Variants in ASPM observed in about 807,000 individuals in gnomAD.
ASPM encodes the protein assembly factor for spindle microtubules, also known as abnormal spindle-like microcephaly-associated protein.
ASPM carries 256 observed loss-of-function variants against 366.4 expected under a neutral mutation model. The ratio of observed to expected loss-of-function variants is 0.70; its 90% confidence interval spans 0.63 to 0.77. The LOEUF (loss-of-function observed/expected upper bound fraction) is 0.77. Among genes scored for constraint, ASPM ranks in the 30% least tolerant of loss-of-function variants. The pLI, the probability that ASPM is intolerant of heterozygous loss-of-function variation, is 0.00. For synonymous variants in ASPM, 1,414 were observed against 1,342.9 expected (o/e 1.05, Z -1.16); for missense variants, 4,146 against 4,090.4 (o/e 1.01, Z -0.37).
chr1:197,133,717 C>T (rs1462026504), intron 5 of ASPM, 122 bp from the exon 6 acceptor site: 1 of 1,143,970 alleles, frequency 8.7e-7, no homozygotes, highest in Non-Finnish European at 1.2e-6. Flanking sequence ...CCACTCCAAG[C>T]TTACTCCTTA....
chr1:197,093,331 T>G, intron 20 of ASPM, 70 bp from the exon 21 acceptor site: 2 of 1,239,998 alleles, frequency 1.6e-6, no homozygotes, highest in Middle Eastern at 2.1e-4. Context: ...CTAGAAGTTC[T>G]TGAATTTCTC....
intron 18 of ASPM, 49 bp downstream of exon 18, chr1:197,100,382 G>A (rs1241145855): frequency 4.1e-6 from 5 of 1,232,226 alleles, no homozygotes; most frequent in Admixed American, 5.4e-5. Flanking sequence ...ACAAATATTG[G>A]TCAAAAGAAA....
chr1:197,133,237 A>G lies in ASPM; in HGVS notation c.2419+113T>C, dbSNP rs536309358. The G allele has an allele frequency of 1.5e-5, 17 of 1,122,900 alleles. No homozygotes were observed. In the African/African-American group the frequency reaches 2.0e-4, roughly 13 times the overall value. The allele number at this position is 1,122,900 out of a possible 1,614,324, so 69.6% of individuals were successfully genotyped here. A position where few individuals can be genotyped will look rare whatever the true frequency, so the allele number is the denominator to read the frequency against. On this transcript the variant is annotated intron_variant, in intron 6 of 27. Coordinates refer to ENST00000367409, the MANE Select transcript of ASPM (RefSeq NM_018136.5). The stretch of plus-strand genomic sequence containing the variant: ...ATCAACATCATGTTGTATACCTTAA[A>G]TATATGCCAGTTTTACCTGTCAATT...
At position 197,128,498 on chromosome 1, in the gene ASPM, C is replaced by T; in HGVS notation, c.2928G>A (p.Val976=). The T allele has an allele frequency of 1.2e-6, 2 of 1,612,060 alleles. No individual in the cohort carries two copies. The highest frequency in any genetic ancestry group is 1.7e-6 in the Non-Finnish European group (2 of 1,178,176). The change falls in exon 10 of 28, where the codon GTG becomes GTA. Residue 976 remains valine (V), a synonymous_variant. Coordinates refer to ENST00000367409, the MANE Select transcript of ASPM (RefSeq NM_018136.5). ...CTATTTCTTATACGTACACAAGGCG[C>T]ACTCCACATTGCAAGTCTACGGCAA... ...TNLAVDLQCG[V]RLVRTMELLT... is the part of the protein sequence containing the mutation.
chr1:197,100,279 C>T (rs1657109836), intron 18 of ASPM, 152 bp downstream of exon 18: 1 of 606,022 alleles, frequency 1.7e-6, no homozygotes, highest in African/African-American at 1.9e-5. Context: ...TGCCCTTTCC[C>T]TCTTTCAAAA....
intron 4 of ASPM, 65 bp from the exon 5 acceptor site, chr1:197,135,307 A>C: frequency 1.3e-6 from 2 of 1,499,594 alleles, no homozygotes; most frequent in South Asian, 2.3e-5. Flanking sequence ...ATATACAGCA[A>C]AAGTCATTTT....
intron 6 of ASPM, among the ~76,000 whole-genome samples, chr1:197,132,853 T>C (rs369073358): frequency 2.0e-5 from 3 of 152,046 alleles, no homozygotes; most frequent in East Asian, 3.9e-4. Context: ...GAGGATATTA[T>C]GCAAACTGAA....
intron 18 of ASPM, among the ~76,000 whole-genome samples, chr1:197,096,658 C>T (rs1435216694): frequency 3.3e-5 from 5 of 151,826 alleles, no homozygotes; most frequent in East Asian, 1.9e-4. Context: ...ATTTTGACAA[C>T]CTTCTGGAAG....
Position 197,146,369 on chromosome 1 carries a change from C to T in ASPM, c.69G>A (p.Gly23=), listed in dbSNP as rs762856685. Residue 23 remains glycine (G), a synonymous_variant, in exon 1 of 28, where the codon GGG becomes GGA. Transcript: ENST00000367409. ...VSPTERRPPA[G]LRGPAAEEEA... ...CCTCCTCGGCCGCGGGGCCCCGCAGCCCCGCGGGCGGCCTCCGCTCGGTCG... is the reference window on the plus strand; with the variant it reads ...CCTCCTCGGCCGCGGGGCCCCGCAGTCCCGCGGGCGGCCTCCGCTCGGTCG... The T allele has an allele frequency of 3.1e-6, 5 of 1,608,478 alleles. No homozygotes were observed. The Admixed American group carries it at 5.0e-5, about 16-fold the overall frequency.
chr1:197,136,591 A>T (rs1658426734), intron 4 of ASPM, among the ~76,000 whole-genome samples: 1 of 152,168 alleles, frequency 6.6e-6, no homozygotes, highest in Non-Finnish European at 1.5e-5. Flanking sequence ...CTAGGATGTT[A>T]TATGTAATTT....
Position 197,142,909 on chromosome 1 carries a change from T to G in ASPM, c.1343A>C (p.Lys448Thr), listed in dbSNP as rs1479941857. 6.2e-7 allele frequency: 1 copy of G among 1,613,660 alleles called. No homozygotes were observed. Among genetic ancestry groups the G allele is most frequent in the Non-Finnish European group, 8.5e-7 (1 of 1,179,708 alleles). The change falls in exon 3 of 28, where the codon AAA becomes ACA. Residue 448 changes from lysine to threonine, a missense_variant. By Grantham distance (78) the Lys-to-Thr change is moderately conservative. Transcript: ENST00000367409. ...TTCTACTAGTTCTTCAAAAATAGCT[T>G]TGGGAGATTTTGAACCCTGACATTC... ...IPECQGSKSP[K>T]AIFEELVEMK...
rs114071210 is a variant in ASPM at position 197,125,362 on chromosome 1, A to G, written c.2937-171T>C. On this transcript the variant is annotated intron_variant, in intron 10 of 27. Transcript: ENST00000367409. ...CTGTTGCTCCATAGTCGGCAAGTAG[A>G]GTTCTTATTTTAAGTTTGGGATTGA... Among the ~76,000 whole-genome samples, 2,044 of 152,316 alleles carry G rather than the reference A, an allele frequency of 0.013. 46 individuals carry two copies. The highest frequency in any genetic ancestry group is 0.046 in the African/African-American group (1,906 of 41,566).
intron 19 of ASPM, among the ~76,000 whole-genome samples, chr1:197,095,741 T>G (rs1656949324): frequency 7.0e-6 from 1 of 143,316 alleles, no homozygotes; most frequent in Non-Finnish European, 1.5e-5. Context: ...ACTCTAATCC[T>G]TATGAACCTG....
chr1:197,118,556 C>T (rs1000771832), intron 16 of ASPM, among the ~76,000 whole-genome samples: 1 of 151,998 alleles, frequency 6.6e-6, no homozygotes, highest in Admixed American at 6.6e-5. Context: ...GGACCCAGCT[C>T]CCTAGTTATG....
chr1:197,112,058 G>A (rs116115588), intron 17 of ASPM, among the ~76,000 whole-genome samples: 2,780 of 151,584 alleles, frequency 0.018, 85 homozygotes, highest in African/African-American at 0.063. Flanking sequence ...AGAAGCATGC[G>A]TGATGTTCAC....
In ASPM at chr1:197,102,240, A is replaced by G; in HGVS notation, c.7011T>C (p.Ala2337=). 6.2e-7 allele frequency: 1 copy of G among 1,612,882 alleles called. No individual in the cohort carries two copies. The highest frequency in any genetic ancestry group is 8.5e-7 in the Non-Finnish European group (1 of 1,179,320). ...TGAAAGTAGACTGGATGAAAGTAGC[A>G]GCCCTGTGCATCTCTCGCATCCTTT... is the stretch of plus-strand genomic sequence containing the variant. The part of the protein sequence containing the change: ...IRKRMREMHR[A]ATFIQSTFRM... Residue 2337 remains alanine (A), a synonymous_variant, in exon 18 of 28, where the codon GCT becomes GCC. Coordinates refer to ENST00000367409, the MANE Select transcript of ASPM (RefSeq NM_018136.5).
In ASPM at chr1:197,104,544, G is replaced by T. The variant is rs1657341426; in HGVS notation, c.4707C>A (p.Tyr1569Ter). The T allele has an allele frequency of 2.5e-6, 4 of 1,612,540 alleles. No homozygotes were observed. The highest frequency in any genetic ancestry group is 3.4e-6 in the Non-Finnish European group (4 of 1,179,344). ...QIRAACVIQSYWRMRQDRVRF... is the reference protein window; with the variant it reads ...QIRAACVIQS The stretch of plus-strand genomic sequence containing the variant: ...GAACTCTGTCTTGTCTCATTCTCCA[G>T]TATGACTGAATAACACAAGCAGCTC... The change falls in exon 18 of 28, where the codon TAC becomes TAA. Residue 1569 changes from tyrosine to a stop codon, truncating the protein, a stop_gained. Transcript: ENST00000367409. LOFTEE classifies it high-confidence loss of function.
intron 7 of ASPM, 53 bp from the exon 8 acceptor site, chr1:197,130,109 G>A: frequency 3.2e-6 from 5 of 1,577,172 alleles, no homozygotes; most frequent in Non-Finnish European, 4.3e-6. Context: ...AAGAAACAAA[G>A]GGAAGTGACT....
At chr1:197,118,923 T>C (rs749110133) in intron 16 of ASPM, among the ~76,000 whole-genome samples, 2 of 152,156 alleles carry the variant, frequency 1.3e-5, no homozygotes, top group Non-Finnish European at 2.9e-5. Context: ...GAATAACTTA[T>C]GGCAGGGATG....
Sources: allele counts gnomAD v4.1 joint callset (sites outside exome capture counted in the v4.1 genomes callset), GRCh38; gene constraint gnomAD v4.1.1; transcripts MANE v1.5; gene names NCBI Gene and HGNC (gene_info 2026-07-23, HGNC 2026-07-21).